Variants in RAP1GDS1 observed in about 807,000 individuals in gnomAD.
RAP1GDS1 encodes the protein RAP1, GTP-GDP dissociation stimulator 1.
RAP1GDS1 carries 35 observed loss-of-function variants against 71.1 expected under a neutral mutation model. The ratio of observed to expected loss-of-function variants is 0.49; its 90% confidence interval spans 0.38 to 0.65. RAP1GDS1 has a LOEUF of 0.65. Among genes scored for constraint, RAP1GDS1 ranks in the 30% least tolerant of loss-of-function variants. The probability of loss-of-function intolerance (pLI) is 0.00; values close to 1 mark genes in which losing one functional copy is unlikely to be tolerated. For missense variants in RAP1GDS1, 663 were observed against 706.1 expected, an observed-to-expected ratio of 0.94 and a Z score of 0.69; for synonymous variants, 229 against 243.1, an observed-to-expected ratio of 0.94 and a Z score of 0.54.
intron 5 of RAP1GDS1, among the ~76,000 whole-genome samples, chr4:98,383,864 C>CT (rs1377377029): frequency 6.6e-6 from 1 of 151,474 alleles, no homozygotes; most frequent in Non-Finnish European, 1.5e-5. Flanking sequence ...TATTACAATA[C>CT]TTTATTACGG....
At chr4:98,361,866 A>G (rs1305512570) in intron 4 of RAP1GDS1, among the ~76,000 whole-genome samples, 1 of 152,222 alleles carries the variant, frequency 6.6e-6, no homozygotes, top group African/African-American at 2.4e-5. Flanking sequence ...CTCTTTTGAT[A>G]TGTGTGCACT....
intron 2 of RAP1GDS1, among the ~76,000 whole-genome samples, chr4:98,328,669 AT>A (rs1733504981): frequency 6.6e-6 from 1 of 152,178 alleles, no homozygotes; most frequent in African/African-American, 2.4e-5. Context: ...CTTTCTCTGT[AT>A]AGTCATCGTG....
At chr4:98,410,875 A>T (rs910011172) in intron 7 of RAP1GDS1, among the ~76,000 whole-genome samples, 1 of 152,208 alleles carries the variant, frequency 6.6e-6, no homozygotes, top group South Asian at 2.1e-4. Context: ...AATAACCAGG[A>T]TGATTTGAGA....
rs189951139 is a variant in RAP1GDS1, at chr4:98,373,142, G to A, written c.362-5875G>A. On this transcript the variant is annotated intron_variant, in intron 4 of 14. Transcript: ENST00000408927. ...TGAAAAACTTTTACTAACATTTTTT[G>A]CATAACAGGTTTATTGCAATGAATT... 2.0e-5 allele frequency among the ~76,000 whole-genome samples: 3 copies of A among 152,138 alleles called. No homozygotes were observed. In the East Asian group the frequency reaches 5.8e-4, roughly 29 times the overall value.
At chr4:98,345,808 C>T (rs1402178982) in intron 3 of RAP1GDS1, among the ~76,000 whole-genome samples, 1 of 152,146 alleles carries the variant, frequency 6.6e-6, no homozygotes, top group Non-Finnish European at 1.5e-5. Flanking sequence ...TTGTTTCTCT[C>T]CTTTCATTTC....
intron 9 of RAP1GDS1, among the ~76,000 whole-genome samples, chr4:98,418,148 T>C (rs961661741): frequency 1.1e-4 from 16 of 152,190 alleles, no homozygotes; most frequent in African/African-American, 3.4e-4. Context: ...TTTTACTCCT[T>C]CTTTTTGGGA....
At chr4:98,275,768 TC>T (rs1311583946) in intron 1 of RAP1GDS1, among the ~76,000 whole-genome samples, 1 of 152,172 alleles carries the variant, frequency 6.6e-6, no homozygotes, top group African/African-American at 2.4e-5. Context: ...GTGCAACTGT[TC>T]CTAAAATCTG....
chr4:98,335,186 A>T (rs1344140538), intron 2 of RAP1GDS1, among the ~76,000 whole-genome samples: 1 of 152,122 alleles, frequency 6.6e-6, no homozygotes, highest in Non-Finnish European at 1.5e-5. Context: ...AAATCCCATA[A>T]ATTCTGTCAG....
At chr4:98,304,039 C>T (rs992843502) in intron 2 of RAP1GDS1, among the ~76,000 whole-genome samples, 2 of 152,088 alleles carry the variant, frequency 1.3e-5, no homozygotes, top group African/African-American at 4.8e-5. Context: ...GATCTAATTC[C>T]TTTTTATGGC....
At chr4:98,342,217 C>T (rs1339315181) in intron 2 of RAP1GDS1, among the ~76,000 whole-genome samples, 1 of 152,116 alleles carries the variant, frequency 6.6e-6, no homozygotes, top group Non-Finnish European at 1.5e-5. Flanking sequence ...ATCACATCAG[C>T]TGCCATTTAG....
intron 6 of RAP1GDS1, chr4:98,392,397 G>T (rs1436477217): frequency 4.9e-6 from 1 of 206,178 alleles, no homozygotes; most frequent in Non-Finnish European, 9.7e-6. Context: ...ATGAGGGATG[G>T]CAATTGTATG....
chr4:98,432,989 A>G (rs1750653894), intron 12 of RAP1GDS1, among the ~76,000 whole-genome samples: 1 of 152,112 alleles, frequency 6.6e-6, no homozygotes, highest in Admixed American at 6.5e-5. Flanking sequence ...ATATACTTAC[A>G]TCATTCCAGT....
In RAP1GDS1 at chr4:98,418,643, G is replaced by GTTTTT; in HGVS notation, c.1040-8_1040-4dup. The GTTTTT allele has an allele frequency of 2.2e-6, 3 of 1,384,820 alleles. No individual in the cohort carries two copies. The highest frequency in any genetic ancestry group is 1.9e-4 in the Middle Eastern group (1 of 5,316). 85.8% of individuals were successfully genotyped at this position (1,384,820 alleles called of 1,614,324 possible). On this transcript the variant is annotated splice_polypyrimidine_tract_variant and intron_variant, in intron 9 of 14. Coordinates refer to ENST00000408927, the MANE Select transcript of RAP1GDS1 (RefSeq NM_001100427.2). ...TTTAAAGAGGAAGAAAAAGATGTGT[G>GTTTTT]TTTTTTTTTTCAGATGCAAATTGTA...
chr4:98,401,275 A>G (rs1265575244), intron 6 of RAP1GDS1, among the ~76,000 whole-genome samples: 1 of 152,218 alleles, frequency 6.6e-6, no homozygotes, highest in Non-Finnish European at 1.5e-5. Flanking sequence ...TAACAAGCAC[A>G]TAGCTAAGCA....
intron 2 of RAP1GDS1, among the ~76,000 whole-genome samples, chr4:98,313,424 A>G (rs527272249): frequency 2.0e-5 from 3 of 152,374 alleles, no homozygotes; most frequent in South Asian, 2.1e-4. Flanking sequence ...GCTAATTGAT[A>G]GAAAATTAAC....
intron 2 of RAP1GDS1, among the ~76,000 whole-genome samples, chr4:98,327,942 CAAGT>C (rs1733386985): frequency 6.6e-6 from 1 of 152,070 alleles, no homozygotes; most frequent in Non-Finnish European, 1.5e-5. Flanking sequence ...AAAAATTTAA[CAAGT>C]AACAGATACA....
chr4:98,299,527 G>A (rs1332531856), intron 2 of RAP1GDS1, among the ~76,000 whole-genome samples: 1 of 152,142 alleles, frequency 6.6e-6, no homozygotes. Flanking sequence ...AGAATTAGAA[G>A]TGGCACTTCA....
chr4:98,294,666 A>G (rs886592452), intron 2 of RAP1GDS1, among the ~76,000 whole-genome samples: 3 of 152,128 alleles, frequency 2.0e-5, no homozygotes, highest in Non-Finnish European at 2.9e-5. Context: ...AATAAAATGT[A>G]AAAGGAAGTT....
intron 1 of RAP1GDS1, among the ~76,000 whole-genome samples, chr4:98,269,396 C>T (rs1438114515): frequency 6.6e-6 from 1 of 151,990 alleles, no homozygotes; most frequent in Non-Finnish European, 1.5e-5. Flanking sequence ...GAGAGAAGCT[C>T]CATAAGATTG....
Sources: allele counts gnomAD v4.1 joint callset (sites outside exome capture counted in the v4.1 genomes callset), GRCh38; gene constraint gnomAD v4.1.1; transcripts MANE v1.5; gene names NCBI Gene and HGNC (gene_info 2026-07-23, HGNC 2026-07-21).